The following B9D1 variants were observed in gnomAD, a reference collection of about 807,000 sequenced individuals.
B9D1 encodes B9 domain-containing protein 1.
B9D1 carries 20 observed loss-of-function variants against 26.1 expected under a neutral mutation model. That is an observed-to-expected ratio of 0.77 (90% CI 0.54 to 1.12). The LOEUF (loss-of-function observed/expected upper bound fraction) is 1.12, where lower values mean the gene tolerates loss of function less well. B9D1 is among the 50% of genes most tolerant of loss of function. The pLI, the probability that B9D1 is intolerant of heterozygous loss-of-function variation, is 0.00. For synonymous variants in B9D1, 105 were observed against 103.1 expected (o/e 1.02, Z -0.11); for missense variants, 260 against 273.7 (o/e 0.95, Z 0.35).
chr17:19,344,379 A>G (rs1375383928), intron 5 of B9D1: 5 of 220,490 alleles, frequency 2.3e-5, no homozygotes, highest in Non-Finnish European at 3.7e-5. Context: ...GTCACTTCCC[A>G]TCTTGGCACC....
upstream of B9D1, among the ~76,000 whole-genome samples, chr17:19,364,809 A>G (rs1310371269): frequency 6.6e-6 from 1 of 152,140 alleles, no homozygotes; most frequent in African/African-American, 2.4e-5. This position sits in a 1 kb window ranked among gnomAD's most constrained non-coding sequence, Gnocchi z 4.3. Context: ...GTACACTCCC[A>G]CGCAGTCCCC....
At chr17:19,341,898 G>A (rs1366410489), downstream of B9D1, among the ~76,000 whole-genome samples, 1 of 152,212 alleles carries the variant, frequency 6.6e-6, no homozygotes, top group East Asian at 1.9e-4. Context: ...GCGAAAAGGG[G>A]CTGGGCCAGG....
intron 3 of B9D1, among the ~76,000 whole-genome samples, chr17:19,357,221 A>G (rs569102103): frequency 6.6e-6 from 1 of 152,372 alleles, no homozygotes; most frequent in Admixed American, 6.5e-5. Flanking sequence ...CCACACAGTG[A>G]AAGTATTCAT....
intron 5 of B9D1, among the ~76,000 whole-genome samples, chr17:19,346,447 GCCCTGGAA>G: frequency 6.6e-6 from 1 of 152,342 alleles, no homozygotes; most frequent in South Asian, 2.1e-4. Flanking sequence ...GCCGGCTGCT[GCCCTGGAA>G]CCCAGGGAGT....
chr17:19,348,852 C>A (rs559132409), intron 3 of B9D1, among the ~76,000 whole-genome samples: 1 of 152,184 alleles, frequency 6.6e-6, no homozygotes, highest in South Asian at 2.1e-4. Flanking sequence ...TGTAAAGGGG[C>A]GTGTTCATGT....
downstream of B9D1, chr17:19,335,348 T>A: frequency 6.6e-7 from 1 of 1,511,920 alleles, no homozygotes; most frequent in Non-Finnish European, 8.9e-7. Context: ...GAAAAAAATC[T>A]AATGTATGAA....
At chr17:19,368,451 C>T (rs1911709849) in intron 1 of B9D1, among the ~76,000 whole-genome samples, 1 of 152,114 alleles carries the variant, frequency 6.6e-6, no homozygotes, top group Admixed American at 6.6e-5. Context: ...GCTATGTGAC[C>T]TTGGGCTGTT....
intron 5 of B9D1, chr17:19,344,466 G>T: frequency 3.8e-6 from 1 of 264,566 alleles, no homozygotes; most frequent in Non-Finnish European, 7.7e-6. Flanking sequence ...ACCCCAGTTG[G>T]GCCAGGCGGG....
chr17:19,368,309 T>C (rs1339962015), intron 1 of B9D1, among the ~76,000 whole-genome samples: 1 of 152,216 alleles, frequency 6.6e-6, no homozygotes, highest in Non-Finnish European at 1.5e-5. Context: ...CTGGCCTTTC[T>C]AAACCGTGAC....
At chr17:19,369,096 G>GA (rs1456892856) in intron 1 of B9D1, among the ~76,000 whole-genome samples, 8 of 152,104 alleles carry the variant, frequency 5.3e-5, no homozygotes, top group Admixed American at 5.2e-4. Context: ...CTGCTATGAA[G>GA]AAAAAACATG....
At chr17:19,335,386 T>C, downstream of B9D1, 1 of 1,547,658 alleles carries the variant, frequency 6.5e-7, no homozygotes, top group Non-Finnish European at 8.7e-7. Context: ...TATCAACTAA[T>C]TCCTTTTTTT....
chr17:19,360,248 G>C (rs563927509), intron 2 of B9D1, 72 bp downstream of exon 2: 4 of 1,373,236 alleles, frequency 2.9e-6, no homozygotes, highest in Non-Finnish European at 4.2e-6. Context: ...AATGGGGAGG[G>C]GAAGGATATG....
intron 5 of B9D1, among the ~76,000 whole-genome samples, chr17:19,346,785 G>A (rs977907511): frequency 2.6e-5 from 4 of 152,118 alleles, no homozygotes; most frequent in South Asian, 4.1e-4. Context: ...CTAAGCTCAC[G>A]CTCTCCTCAG....
chr17:19,368,816 G>A (rs1911731058), intron 1 of B9D1, among the ~76,000 whole-genome samples: 1 of 152,114 alleles, frequency 6.6e-6, no homozygotes, highest in Admixed American at 6.5e-5. Context: ...GCATGGTGGT[G>A]TGGGCCTGTG....
intron 6 of B9D1, 150 bp from the exon 7 acceptor site, chr17:19,343,611 C>T (rs780929036): frequency 1.8e-5 from 28 of 1,572,566 alleles, no homozygotes; most frequent in Admixed American, 3.8e-5. Flanking sequence ...AAGGGGCTGC[C>T]GGGACAGGCA....
chr17:19,356,619 G>A (rs981280794), intron 3 of B9D1, among the ~76,000 whole-genome samples: 3 of 152,124 alleles, frequency 2.0e-5, no homozygotes, highest in Admixed American at 6.5e-5. Flanking sequence ...CTGAACATCA[G>A]TTTTTTTGTG....
chr17:19,375,433 ACCCAC>A (rs1159812810), intron 1 of B9D1, among the ~76,000 whole-genome samples: 1 of 151,994 alleles, frequency 6.6e-6, no homozygotes, highest in African/African-American at 2.4e-5. Flanking sequence ...ATCACTTCAC[ACCCAC>A]TAGGATGGCT....
chr17:19,354,847 G>T (rs1048055521), intron 3 of B9D1, among the ~76,000 whole-genome samples: 10 of 152,154 alleles, frequency 6.6e-5, no homozygotes, highest in Non-Finnish European at 1.2e-4. Flanking sequence ...AGAAAAAAAA[G>T]ATTTTCTTTT....
upstream of B9D1, chr17:19,362,775 G>T (rs1487149529): frequency 6.9e-7 from 1 of 1,447,100 alleles, no homozygotes; most frequent in Non-Finnish European, 9.3e-7. Flanking sequence ...CAAGGGGCGG[G>T]GATCCACGCC....
Sources: allele counts gnomAD v4.1 joint callset (sites outside exome capture counted in the v4.1 genomes callset), GRCh38; gene constraint gnomAD v4.1.1; non-coding constraint Gnocchi (gnomAD v3.1); transcripts MANE v1.5; gene names NCBI Gene and HGNC (gene_info 2026-07-23, HGNC 2026-07-21).